Variants in UNC13C observed in about 807,000 individuals in gnomAD.
UNC13C encodes protein unc-13 homolog C.
In UNC13C, 174 loss-of-function variants were observed where a neutral mutation model predicts 245.4. The observed-to-expected ratio is 0.71, with a 90% CI of 0.63 to 0.80. UNC13C has a LOEUF of 0.80. Ranked by LOEUF, UNC13C falls within the 30% of genes least tolerant of loss-of-function variation. The pLI, the probability that UNC13C is intolerant of heterozygous loss-of-function variation, is 0.00. For missense variants in UNC13C, 2,829 were observed against 2,602.9 expected, an observed-to-expected ratio of 1.09 and a Z score of -1.89; for synonymous variants, 992 against 895.1, an observed-to-expected ratio of 1.11 and a Z score of -1.93.
intron 4 of UNC13C, among the ~76,000 whole-genome samples, chr15:54,185,748 A>G (rs548656182): frequency 1.3e-5 from 2 of 150,590 alleles, no homozygotes; most frequent in East Asian, 3.9e-4. Context: ...TGACTGGGCA[A>G]TGCGGGATCT....
intron 10 of UNC13C, among the ~76,000 whole-genome samples, chr15:54,288,872 A>T (rs368484576): frequency 6.6e-6 from 1 of 152,034 alleles, no homozygotes; most frequent in Admixed American, 6.6e-5. Context: ...TGATCAATTC[A>T]TCTCCCTTAA....
At chr15:54,043,245 T>C (rs1319546763) in intron 2 of UNC13C, among the ~76,000 whole-genome samples, 2 of 152,226 alleles carry the variant, frequency 1.3e-5, no homozygotes, top group Admixed American at 1.3e-4. Context: ...TTGAGCAACA[T>C]GTCAATTTCA....
In UNC13C at chr15:54,448,827, CTGGT is replaced by C. The variant is rs564349991; in HGVS notation, c.4933+33762_4933+33765del. ...TTTGATCCTGTCATTATGATGTTAG[CTGGT>C]TATTTTGCTTGTTAGTTGATGCAGT... On this transcript the variant is annotated intron_variant, in intron 19 of 32. Transcript: ENST00000260323. Among the ~76,000 whole-genome samples, 413 of 152,202 alleles carry C rather than the reference CTGGT, an allele frequency of 2.7e-3. 3 individuals are homozygous for C. Among genetic ancestry groups the C allele is most frequent in the African/African-American group, 8.9e-3 (368 of 41,534 alleles).
At chr15:54,356,635 A>C (rs985740655) in intron 17 of UNC13C, among the ~76,000 whole-genome samples, 2 of 152,186 alleles carry the variant, frequency 1.3e-5, no homozygotes, top group African/African-American at 4.8e-5. Flanking sequence ...ATTAGGGCCC[A>C]GGTCTCATTC....
intron 25 of UNC13C, among the ~76,000 whole-genome samples, chr15:54,529,242 A>G (rs886572395): frequency 6.6e-6 from 1 of 152,198 alleles, no homozygotes; most frequent in Non-Finnish European, 1.5e-5. Context: ...ATCAGGCCTT[A>G]AATATGTACA....
At chr15:54,036,051 G>A (rs1381202005) in intron 2 of UNC13C, among the ~76,000 whole-genome samples, 1 of 152,136 alleles carries the variant, frequency 6.6e-6, no homozygotes, top group Non-Finnish European at 1.5e-5. Context: ...CAAGTTGAGA[G>A]GTTTCTCTAA....
At chr15:54,175,739 G>C (rs1332244865) in intron 4 of UNC13C, among the ~76,000 whole-genome samples, 1 of 151,898 alleles carries the variant, frequency 6.6e-6, no homozygotes, top group Non-Finnish European at 1.5e-5. Context: ...CACAGAAACT[G>C]GTAGTAAGTT....
intron 2 of UNC13C, among the ~76,000 whole-genome samples, chr15:54,052,153 G>T (rs554169296): frequency 9.2e-4 from 96 of 104,310 alleles, no homozygotes; most frequent in African/African-American, 3.3e-3. Flanking sequence ...TCTTAATCCA[G>T]TCTATCATTG....
intron 10 of UNC13C, among the ~76,000 whole-genome samples, chr15:54,280,787 T>C (rs79902398): frequency 0.027 from 3,922 of 145,074 alleles, 199 homozygotes; most frequent in African/African-American, 0.096. Flanking sequence ...TATATACACA[T>C]ATATATATAT....
chr15:54,251,687 G>A (rs1323030503), intron 8 of UNC13C, among the ~76,000 whole-genome samples: 2 of 152,116 alleles, frequency 1.3e-5, no homozygotes, highest in African/African-American at 4.8e-5. Context: ...ATGTTCATTT[G>A]CAAATCATAT....
intron 2 of UNC13C, among the ~76,000 whole-genome samples, chr15:54,059,646 C>A (rs1034874432): frequency 5.9e-5 from 9 of 152,180 alleles, no homozygotes; most frequent in African/African-American, 1.7e-4. Context: ...CAAAAAAGAG[C>A]CCACATTGCC....
chr15:54,055,808 A>G (rs899940844), intron 2 of UNC13C, among the ~76,000 whole-genome samples: 1 of 152,192 alleles, frequency 6.6e-6, no homozygotes, highest in African/African-American at 2.4e-5. Context: ...ATAGGGAATG[A>G]AAGGTCATGA....
At chr15:53,866,496 T>C in the UNC13C span, among the ~76,000 whole-genome samples, 1 of 152,328 alleles carries the variant, frequency 6.6e-6, no homozygotes, top group African/African-American at 2.4e-5. Flanking sequence ...TTTATACCAA[T>C]GCGTTTTAAA....
chr15:54,570,880 T>G (rs1434035677), intron 30 of UNC13C, among the ~76,000 whole-genome samples: 2 of 152,216 alleles, frequency 1.3e-5, no homozygotes, highest in East Asian at 1.9e-4. Context: ...AAACTCAGCT[T>G]CCAAGATCCC....
chr15:53,933,968 G>A, the UNC13C span, among the ~76,000 whole-genome samples: 2 of 152,170 alleles, frequency 1.3e-5, no homozygotes, highest in African/African-American at 4.8e-5. Flanking sequence ...TGCATGGGAT[G>A]CATGGTTCTG....
At chr15:53,950,646 A>T in the UNC13C span, among the ~76,000 whole-genome samples, 1 of 152,210 alleles carries the variant, frequency 6.6e-6, no homozygotes, top group South Asian at 2.1e-4. Context: ...ATCCAACCAC[A>T]CTGTAAGACA....
chr15:54,077,381 T>TTTC (rs1898692312), intron 2 of UNC13C, among the ~76,000 whole-genome samples: 1 of 121,362 alleles, frequency 8.2e-6, no homozygotes, highest in Admixed American at 8.2e-5. Flanking sequence ...CTTTTCTTTT[T>TTTC]TTTTTTTTTT....
intron 4 of UNC13C, among the ~76,000 whole-genome samples, chr15:54,149,275 GA>G (rs1242113059): frequency 6.6e-6 from 1 of 152,152 alleles, no homozygotes; most frequent in Non-Finnish European, 1.5e-5. Flanking sequence ...ATAGCAGTGT[GA>G]AAATGGACTA....
rs566611842 is a variant in UNC13C, at chr15:54,199,099, C to G, written c.3072-35931C>G. On this transcript the variant is annotated intron_variant, in intron 4 of 32. Coordinates refer to ENST00000260323, the MANE Select transcript of UNC13C (RefSeq NM_001080534.3). ...ACAAGCAGAAGAAAGAACTTCAGAG[C>G]TCGAAGACAGGCTTTCCGAGTTAAC... 7.1e-4 allele frequency among the ~76,000 whole-genome samples: 108 copies of G among 151,956 alleles called. 2 individuals carry two copies. In the South Asian group the frequency reaches 0.022, roughly 31 times the overall value.
Sources: allele counts gnomAD v4.1 joint callset (sites outside exome capture counted in the v4.1 genomes callset), GRCh38; gene constraint gnomAD v4.1.1; transcripts MANE v1.5; gene names NCBI Gene and HGNC (gene_info 2026-07-23, HGNC 2026-07-21).